Variants in UBE2L3 observed in about 807,000 individuals in gnomAD.
The protein encoded by UBE2L3 is ubiquitin-conjugating enzyme E2 L3.
In UBE2L3, 1 loss-of-function variant was observed where a neutral mutation model predicts 17.8. The observed-to-expected ratio is 0.06, with a 90% CI of 0.02 to 0.27. The LOEUF is 0.27. Among genes scored for constraint, UBE2L3 ranks in the 10% least tolerant of loss-of-function variants. The pLI is 1.00. For missense variants in UBE2L3, 40 were observed against 192.6 expected, an observed-to-expected ratio of 0.21 and a Z score of 4.69; for synonymous variants, 44 against 68.5, an observed-to-expected ratio of 0.64 and a Z score of 1.76.
chr22:21,575,551 T>C (rs1252054552), intron 1 of UBE2L3, among the ~76,000 whole-genome samples: 1 of 140,124 alleles, frequency 7.1e-6, no homozygotes, highest in Non-Finnish European at 1.5e-5. Context: ...ATGGTGCCAC[T>C]GCGCTCCAGC....
intron 1 of UBE2L3, among the ~76,000 whole-genome samples, chr22:21,571,975 A>G (rs1014244744): frequency 6.6e-6 from 1 of 152,174 alleles, no homozygotes; most frequent in African/African-American, 2.4e-5. Context: ...GGCTTTGTGA[A>G]TTGAGAAAAA....
intron 2 of UBE2L3, among the ~76,000 whole-genome samples, chr22:21,596,817 T>C (rs904207551): frequency 1.3e-5 from 2 of 152,188 alleles, no homozygotes; most frequent in African/African-American, 4.8e-5. Context: ...CTACAAAGGT[T>C]CCAGTTCATC....
chr22:21,603,700 G>A (rs138822582), intron 2 of UBE2L3, among the ~76,000 whole-genome samples: 1,906 of 151,596 alleles, frequency 0.013, 97 homozygotes, highest in South Asian at 0.13. Flanking sequence ...AAAATTAGCC[G>A]GGTGTGGTGG....
rs1927902859 is a variant in UBE2L3, at chr22:21,585,781, TG to T, written c.28-7078del. Among the ~76,000 whole-genome samples, 3 of 152,300 alleles carry T rather than the reference TG, an allele frequency of 2.0e-5. No individual in the cohort carries two copies. In the South Asian group the frequency reaches 6.2e-4, roughly 32 times the overall value. On this transcript the variant is annotated intron_variant, in intron 1 of 3. Transcript: ENST00000342192. Reference sequence around the variant, plus strand: ...GAGGGGGGAAGTCACCAGGCTGACTTGGTAGGATTCTGCACACTGCTCATTT... The same window carrying T: ...GAGGGGGGAAGTCACCAGGCTGACTTGTAGGATTCTGCACACTGCTCATTT...
In UBE2L3 at chr22:21,603,529, TAAAAAAAAAAAAA is replaced by T. The variant is rs780658850; in HGVS notation, c.124-7316_124-7304del. On this transcript the variant is annotated intron_variant, in intron 2 of 3. Transcript: ENST00000342192. ...TGGGTGACAGAGCGAGACTCTGTCT[TAAAAAAAAAAAAA>T]AAAAAAAAAAAGACAAGTGGGCTGG... 9.9e-4 allele frequency among the ~76,000 whole-genome samples: 79 copies of T among 79,978 alleles called. 1 individual carries two copies. The highest frequency in any genetic ancestry group is 3.8e-3 in the African/African-American group (77 of 20,278). 52.5% of individuals were successfully genotyped at this position (79,978 alleles called of 152,430 possible).
At chr22:21,598,843 T>C (rs567986329) in intron 2 of UBE2L3, among the ~76,000 whole-genome samples, 108 of 134,090 alleles carry the variant, frequency 8.1e-4, no homozygotes, top group African/African-American at 3.2e-3. Flanking sequence ...CCCGCCTAGT[T>C]CCATTTCTTT....
chr22:21,574,342 T>C (rs563206359), intron 1 of UBE2L3, among the ~76,000 whole-genome samples: 1 of 152,290 alleles, frequency 6.6e-6, no homozygotes, highest in East Asian at 1.9e-4. Flanking sequence ...GTGCCTTAGT[T>C]ACTTCGTCCG....
At position 21,552,946 on chromosome 22, in the gene UBE2L3, T is replaced by C. The variant is rs1417429962; in HGVS notation, c.201+3296T>C. Among the ~76,000 whole-genome samples, 535 of 54,236 alleles carry C rather than the reference T, an allele frequency of 9.9e-3. 1 individual carries two copies. The highest frequency in any genetic ancestry group is 0.066 in the African/African-American group (509 of 7,700). The allele number at this position is 54,236 out of a possible 152,430, so 35.6% of individuals were successfully genotyped here. ...TTCACCATGTTAACCAGGATGGTCTTGATCTCCTGACCCTGTTGATCTGCC... is the reference window on the plus strand; with the variant it reads ...TTCACCATGTTAACCAGGATGGTCTCGATCTCCTGACCCTGTTGATCTGCC... On this transcript the variant is annotated intron_variant, in intron 1 of 3. Transcript: ENST00000458578.
chr22:21,577,981 G>T (rs181364), intron 1 of UBE2L3, among the ~76,000 whole-genome samples: 1,871 of 152,230 alleles, frequency 0.012, 93 homozygotes, highest in South Asian at 0.12. Context: ...GAGGAAGAGG[G>T]TGTAACTCAG....
intron 1 of UBE2L3, among the ~76,000 whole-genome samples, chr22:21,584,175 TA>T (rs914229966): frequency 1.4e-5 from 2 of 143,504 alleles, no homozygotes; most frequent in African/African-American, 5.1e-5. Flanking sequence ...GTGTCTGGCC[TA>T]AATTTTTTTT....
chr22:21,611,990 G>A (rs928343028), intron 3 of UBE2L3, among the ~76,000 whole-genome samples: 1 of 152,066 alleles, frequency 6.6e-6, no homozygotes, highest in Admixed American at 6.6e-5. Context: ...CCAGGTGCAC[G>A]CAAAGTATGG....
chr22:21,573,513 G>A (rs1927097781), intron 1 of UBE2L3, among the ~76,000 whole-genome samples: 1 of 152,134 alleles, frequency 6.6e-6, no homozygotes, highest in African/African-American at 2.4e-5. Flanking sequence ...ATCCTGGGCT[G>A]GCCACTGTGT....
chr22:21,568,787 G>C (rs1431301702), intron 1 of UBE2L3, among the ~76,000 whole-genome samples: 3 of 152,066 alleles, frequency 2.0e-5, no homozygotes, highest in East Asian at 3.9e-4. Context: ...TAAAGAGCTG[G>C]GGTTCGTTCT....
chr22:21,596,084 T>C (rs1424148020), intron 2 of UBE2L3, among the ~76,000 whole-genome samples: 1 of 152,160 alleles, frequency 6.6e-6, no homozygotes, highest in Admixed American at 6.5e-5. Flanking sequence ...CAGGATGGTC[T>C]CAGTCTCTTG....
chr22:21,563,715 T>C (rs1450497843), upstream of UBE2L3, among the ~76,000 whole-genome samples: 1 of 150,758 alleles, frequency 6.6e-6, no homozygotes, highest in East Asian at 2.0e-4. Context: ...TAGCTGGGAC[T>C]ATAGGCACCC....
At chr22:21,601,046 C>T (rs1928828113) in intron 2 of UBE2L3, among the ~76,000 whole-genome samples, 1 of 151,754 alleles carries the variant, frequency 6.6e-6, no homozygotes, top group Non-Finnish European at 1.5e-5. Context: ...CGGCAGGTGC[C>T]TGTAGTCCCA....
intron 1 of UBE2L3, among the ~76,000 whole-genome samples, chr22:21,557,803 G>A (rs1243965271): frequency 3.3e-5 from 5 of 152,204 alleles, no homozygotes; most frequent in Admixed American, 2.0e-4. Context: ...TTACAGGTGT[G>A]AGCCATAGCA....
chr22:21,568,793 G>T (rs752232296), intron 1 of UBE2L3, among the ~76,000 whole-genome samples: 1 of 152,128 alleles, frequency 6.6e-6, no homozygotes, highest in Non-Finnish European at 1.5e-5. Flanking sequence ...GCTGGGGTTC[G>T]TTCTAGGCGG....
intron 3 of UBE2L3, among the ~76,000 whole-genome samples, chr22:21,613,998 A>C (rs1201063210): frequency 3.3e-5 from 5 of 152,200 alleles, no homozygotes; most frequent in African/African-American, 1.2e-4. Flanking sequence ...AATAGACTTC[A>C]GCTCTTGATG....
Sources: allele counts gnomAD v4.1 joint callset (sites outside exome capture counted in the v4.1 genomes callset), GRCh38; gene constraint gnomAD v4.1.1; transcripts MANE v1.5; gene names NCBI Gene and HGNC (gene_info 2026-07-23, HGNC 2026-07-21).